Variants in UROS observed in about 807,000 individuals in gnomAD.
UROS encodes uroporphyrinogen III synthase, also known as uroporphyrinogen-III synthase.
In UROS, 18 loss-of-function variants were observed where a neutral mutation model predicts 33.0. The observed-to-expected ratio is 0.55, with a 90% CI of 0.38 to 0.81. UROS has a LOEUF of 0.81. Ranked by LOEUF, UROS falls within the 30% of genes least tolerant of loss-of-function variation. The probability of loss-of-function intolerance (pLI) is 0.00; values close to 1 mark genes in which losing one functional copy is unlikely to be tolerated. For missense variants in UROS, 293 were observed against 314.9 expected, an observed-to-expected ratio of 0.93 and a Z score of 0.53; for synonymous variants, 114 against 121.1, an observed-to-expected ratio of 0.94 and a Z score of 0.38.
chr10:125,797,933 C>T, intron 7 of UROS, 132 bp downstream of exon 7: 2 of 1,015,064 alleles, frequency 2.0e-6, no homozygotes, highest in Non-Finnish European at 3.1e-6. Context: ...CTCTGTGTCT[C>T]CTGGCCTGGC....
intron 9 of UROS, chr10:125,792,586 T>A (rs1851024862): frequency 6.6e-6 from 1 of 152,252 alleles, no homozygotes; most frequent in Non-Finnish European, 1.5e-5. Flanking sequence ...TACCTACTGC[T>A]TTGCAGTGAC....
intron 6 of UROS, 76 bp from the exon 7 acceptor site, chr10:125,798,221 T>C: frequency 6.7e-7 from 1 of 1,490,938 alleles, no homozygotes; most frequent in Admixed American, 1.7e-5. Flanking sequence ...GGGGCAGCTT[T>C]GGGAAGGGGG....
At chr10:125,810,987 G>A (rs1852764160) in intron 5 of UROS, among the ~76,000 whole-genome samples, 1 of 152,194 alleles carries the variant, frequency 6.6e-6, no homozygotes, top group Non-Finnish European at 1.5e-5. Context: ...ACTGAGTCCA[G>A]TGAGTGCCTA....
intron 6 of UROS, among the ~76,000 whole-genome samples, chr10:125,805,263 A>G (rs909574526): frequency 6.6e-6 from 1 of 152,230 alleles, no homozygotes; most frequent in African/African-American, 2.4e-5. Context: ...CACAGAGTCA[A>G]GCACACTTAC....
chr10:125,804,832 C>T (rs144235930), intron 6 of UROS, among the ~76,000 whole-genome samples: 2 of 152,342 alleles, frequency 1.3e-5, no homozygotes, highest in South Asian at 2.1e-4. Context: ...TGCCTTATCA[C>T]GGTTACTGAT....
chr10:125,817,089 A>C (rs936507070), intron 1 of UROS, among the ~76,000 whole-genome samples: 1 of 152,108 alleles, frequency 6.6e-6, no homozygotes, highest in Non-Finnish European at 1.5e-5. Context: ...AAGAATACTA[A>C]AGCAATACTG....
Position 125,808,360 on chromosome 10 carries a change from G to C in UROS, c.320-873C>G, listed in dbSNP as rs1247193120. ...AAACACCAGCAGCTTTTAACTTATGGATCATTAAAAACATGCTGAATCAAA... is the reference window on the plus strand; with the variant it reads ...AAACACCAGCAGCTTTTAACTTATGCATCATTAAAAACATGCTGAATCAAA... On this transcript the variant is annotated intron_variant, in intron 5 of 9. Coordinates refer to ENST00000368797, the MANE Select transcript of UROS (RefSeq NM_000375.3). Among the ~76,000 whole-genome samples the C allele has an allele frequency of 3.4e-5, 5 of 147,088 alleles. No homozygotes were observed. In the South Asian group the frequency reaches 1.1e-3, roughly 32 times the overall value.
At chr10:125,799,505 A>G (rs1851633484) in intron 6 of UROS, among the ~76,000 whole-genome samples, 1 of 152,184 alleles carries the variant, frequency 6.6e-6, no homozygotes, top group African/African-American at 2.4e-5. Flanking sequence ...GCCCAGCCCC[A>G]CAGGTGTGCG....
intron 1 of UROS, among the ~76,000 whole-genome samples, chr10:125,822,211 C>T (rs1853987452): frequency 6.6e-6 from 1 of 152,214 alleles, no homozygotes; most frequent in South Asian, 2.1e-4. Flanking sequence ...TGCATCCCCA[C>T]CTGCCACAGG....
At chr10:125,789,030 G>A (rs1470753486) in intron 9 of UROS, 25 bp from the exon 10 acceptor site, 1 of 1,612,322 alleles carries the variant, frequency 6.2e-7, no homozygotes, top group Non-Finnish European at 8.5e-7. Flanking sequence ...GAGAAAACAG[G>A]GCTTCAGCAC....
At chr10:125,799,231 T>A (rs11244657) in intron 6 of UROS, among the ~76,000 whole-genome samples, 67,938 of 152,096 alleles carry the variant, frequency 0.45, 15,388 homozygotes, top group African/African-American at 0.48. Flanking sequence ...TGTAAATATC[T>A]GTACCAACAT....
Position 125,816,255 on chromosome 10 carries a change from T to C in UROS, c.69A>G (p.Leu23=), listed in dbSNP as rs781507617. ...AAGTGGCTTCAAGTCCATATAATCC[T>C]AATTCCTGAAATGAAAGAATATAGT... ...DCGQDPYIRE[L]GLYGLEATLI... Residue 23 remains leucine, a synonymous_variant, in exon 3 of 10, where the codon TTA becomes TTG. Transcript: ENST00000368797. 6.2e-7 allele frequency: 1 copy of C among 1,614,048 alleles called. No individual in the cohort carries two copies. The highest frequency in any genetic ancestry group is 8.5e-7 in the Non-Finnish European group (1 of 1,179,912).
At chr10:125,790,628 G>T (rs1850854477) in intron 9 of UROS, among the ~76,000 whole-genome samples, 1 of 151,380 alleles carries the variant, frequency 6.6e-6, no homozygotes, top group Non-Finnish European at 1.5e-5. Context: ...GGCCAACATG[G>T]TGAAACCCCC....
At chr10:125,807,259 C>A in intron 6 of UROS, 154 bp downstream of exon 6, 2 of 707,216 alleles carry the variant, frequency 2.8e-6, no homozygotes, top group South Asian at 3.2e-5. Context: ...TACACAAATA[C>A]AAATAGGCTA....
At chr10:125,810,759 C>G in intron 5 of UROS, among the ~76,000 whole-genome samples, 1 of 152,186 alleles carries the variant, frequency 6.6e-6, no homozygotes, top group East Asian at 1.9e-4. Flanking sequence ...TGTACCTACT[C>G]AAAAGAGCTC....
At chr10:125,789,452 G>A in intron 9 of UROS, 6 of 957,140 alleles carry the variant, frequency 6.3e-6, no homozygotes, top group Non-Finnish European at 7.8e-6. Flanking sequence ...TGGGCACAGG[G>A]TTGGGATTTA....
At chr10:125,797,992 C>T in intron 7 of UROS, 73 bp downstream of exon 7, 5 of 1,565,166 alleles carry the variant, frequency 3.2e-6, no homozygotes, top group Non-Finnish European at 4.4e-6. Context: ...GCAGGGCCAC[C>T]CACTTCTATC....
chr10:125,791,716 A>C (rs1431519123), intron 9 of UROS: 1 of 152,204 alleles, frequency 6.6e-6, no homozygotes, highest in Non-Finnish European at 1.5e-5. Context: ...AGTCAGTTAC[A>C]AAAGACCACA....
chr10:125,786,968 A>C (rs1325818246), downstream of UROS, among the ~76,000 whole-genome samples: 1 of 152,210 alleles, frequency 6.6e-6, no homozygotes, highest in African/African-American at 2.4e-5. Flanking sequence ...GACTCACGCA[A>C]TCGTCGAGGA....
Sources: gnomAD v4.1 joint callset for allele counts (sites outside exome capture counted in the v4.1 genomes callset) on GRCh38, gnomAD v4.1.1 for gene constraint, MANE v1.5 for transcripts, NCBI Gene and HGNC (gene_info 2026-07-23, HGNC 2026-07-21) for gene names.